Variants in SNED1 observed in about 807,000 individuals in gnomAD.
SNED1 encodes the protein sushi, nidogen and EGF like domains 1, also known as sushi, nidogen and EGF-like domain-containing protein 1.
SNED1 carries 81 observed loss-of-function variants against 166.7 expected under a neutral mutation model. The observed-to-expected ratio is 0.49, with a 90% CI of 0.41 to 0.58. The LOEUF (loss-of-function observed/expected upper bound fraction) is 0.58, where lower values mean the gene tolerates loss of function less well. Ranked by LOEUF, SNED1 falls within the 20% of genes least tolerant of loss-of-function variation. The pLI is 0.00. For missense variants in SNED1, 1,604 were observed against 2,000.2 expected, an observed-to-expected ratio of 0.80 and a Z score of 3.78; for synonymous variants, 762 against 822.0, an observed-to-expected ratio of 0.93 and a Z score of 1.25.
intron 21 of SNED1, among the ~76,000 whole-genome samples, chr2:241,066,037 G>C (rs1227043646): frequency 6.6e-6 from 1 of 152,208 alleles, no homozygotes; most frequent in Non-Finnish European, 1.5e-5. Context: ...TGTAGGCGCT[G>C]AGGTGTGCTA....
chr2:241,066,392 G>A (rs1431026893), intron 21 of SNED1, among the ~76,000 whole-genome samples: 5 of 152,324 alleles, frequency 3.3e-5, no homozygotes, highest in South Asian at 2.1e-4. Context: ...GGGCAGGGCC[G>A]GAAGAAAGCA....
chr2:241,088,536 T>G (rs1314341411), intron 31 of SNED1, 134 bp downstream of exon 31: 7 of 736,552 alleles, frequency 9.5e-6, no homozygotes, highest in Non-Finnish European at 1.7e-5. Flanking sequence ...CCTGTGCTGC[T>G]GTGTTACAGA....
At chr2:241,019,043 A>T (rs2060687986) in intron 1 of SNED1, among the ~76,000 whole-genome samples, 1 of 151,990 alleles carries the variant, frequency 6.6e-6, no homozygotes, top group African/African-American at 2.4e-5. Flanking sequence ...GGAGGATGGG[A>T]TGACCATGTT....
At chr2:241,029,125 G>C (rs2061077927) in intron 1 of SNED1, among the ~76,000 whole-genome samples, 1 of 152,216 alleles carries the variant, frequency 6.6e-6, no homozygotes, top group Admixed American at 6.5e-5. Context: ...ATTCTTCCCA[G>C]TAGCAAATAA....
In SNED1 at chr2:241,069,264, G is replaced by A. The variant is rs1575048002; in HGVS notation, c.3307+241G>A. Among the ~76,000 whole-genome samples the A allele has an allele frequency of 6.6e-6, 1 of 152,208 alleles. No individual in the cohort carries two copies. The highest frequency in any genetic ancestry group is 2.4e-5 in the African/African-American group (1 of 41,448). ...TCTAAAGGCTCCTGGTAGCTCCTCA[G>A]CATGGAGTTCCTACTGGACACCGAC... On this transcript the variant is annotated intron_variant, in intron 23 of 31. Transcript: ENST00000310397. The surrounding 1 kb of genome is among the most constrained non-coding windows in gnomAD (Gnocchi z 4.9).
Position 241,034,639 on chromosome 2 carries a change from G to A in SNED1, c.714G>A (p.Glu238=), listed in dbSNP as rs760033435. The change falls in exon 4 of 32, where the codon GAG becomes GAA. Residue 238 remains glutamate, a synonymous_variant. Coordinates refer to ENST00000310397, the MANE Select transcript of SNED1 (RefSeq NM_001080437.3). ...GCTCGCGCACAGCAGACATGGCCGA[G>A]GTGGAGACCACCACCAACGTGGGTG... ...IPGSRTADMA[E]VETTTNVGVP... 20 of 1,611,864 alleles carry A rather than the reference G, an allele frequency of 1.2e-5. No homozygotes were observed. Among genetic ancestry groups the A allele is most frequent in the Non-Finnish European group, 1.6e-5 (19 of 1,179,494 alleles).
At chr2:241,040,456 C>A in intron 8 of SNED1, 43 bp downstream of exon 8, 1 of 1,333,086 alleles carries the variant, frequency 7.5e-7, no homozygotes, top group Non-Finnish European at 1.0e-6. Context: ...CTGATGGTGG[C>A]TTTGTGCCGT....
intron 21 of SNED1, among the ~76,000 whole-genome samples, chr2:241,066,913 G>A (rs895285751): frequency 6.6e-6 from 1 of 152,220 alleles, no homozygotes; most frequent in Non-Finnish European, 1.5e-5. Context: ...CCAAGGGGCT[G>A]GAGTTCCCAA....
At position 241,049,116 on chromosome 2, in the gene SNED1, C is replaced by T. The variant is rs761318687; in HGVS notation, c.1599C>T (p.Thr533=). ...HGGSYLCVCH[T]DHNASHSLPS... ...GGAGCTACCTCTGCGTCTGCCACAC[C>T]GACCACAATGCCAGCCACTGTGAGT... Residue 533 remains threonine (T), a synonymous_variant, in exon 11 of 32, where the codon ACC becomes ACT. Transcript: ENST00000310397. 8.7e-6 allele frequency: 14 copies of T among 1,611,588 alleles called. No individual in the cohort carries two copies. The highest frequency in any genetic ancestry group is 2.7e-5 in the African/African-American group (2 of 75,034).
At chr2:241,060,939 C>A (rs552741882) in intron 16 of SNED1, among the ~76,000 whole-genome samples, 4 of 151,406 alleles carry the variant, frequency 2.6e-5, no homozygotes, top group East Asian at 2.0e-4. Context: ...CAAAAAAAAA[C>A]AACCAAAAAA....
intron 1 of SNED1, among the ~76,000 whole-genome samples, chr2:241,009,807 TTCCCCGGAGGCGTCCCATGTG>T (rs1449833026): frequency 8.0e-6 from 1 of 125,720 alleles, no homozygotes; most frequent in Non-Finnish European, 1.5e-5. Context: ...CCATGTGTGT[TTCCCCGGAGGCGTCCCATGTG>T]TGTTTCCCCG....
rs2064345375 is a variant in SNED1, at chr2:241,095,328, G to C, written c.*3692G>C. On this transcript the variant is annotated 3_prime_UTR_variant, in exon 32 of 32. Coordinates refer to ENST00000310397, the MANE Select transcript of SNED1 (RefSeq NM_001080437.3). ...CCACTGGCCAAGAGCTGACATAAAA[G>C]CCAACTTCCCCAAACAGGAAGGGCC... 6.5e-6 allele frequency: 1 copy of C among 152,944 alleles called. No homozygotes were observed. Among genetic ancestry groups the C allele is most frequent in the African/African-American group, 2.4e-5 (1 of 41,442 alleles). 9.5% of individuals were successfully genotyped at this position (152,944 alleles called of 1,614,324 possible).
intron 1 of SNED1, among the ~76,000 whole-genome samples, chr2:241,024,958 GCCAC>G (rs2060909113): frequency 6.6e-6 from 1 of 152,204 alleles, no homozygotes; most frequent in African/African-American, 2.4e-5. Flanking sequence ...ACAGGCATGA[GCCAC>G]CATGCCTGGC....
chr2:241,091,544 G>A lies in SNED1; in HGVS notation c.*2-94G>A, dbSNP rs916516666. 1 of 133,926 alleles carries A rather than the reference G, an allele frequency of 7.5e-6. No homozygotes were observed. The highest frequency in any genetic ancestry group is 3.4e-5 in the African/African-American group (1 of 29,782). The allele number at this position is 133,926 out of a possible 1,614,324, so 8.3% of individuals were successfully genotyped here. A position where few individuals can be genotyped will look rare whatever the true frequency, so the allele number is the denominator to read the frequency against. On this transcript the variant is annotated intron_variant, in intron 31 of 31. Transcript: ENST00000310397. The surrounding 1 kb of genome is among the most constrained non-coding windows in gnomAD (Gnocchi z 4.1). ...GGGTCCTCTGGGTGACAGAGGCCCT[G>A]AGGGCCACTAAGAGAAGCAGGAAGC...
chr2:241,066,695 C>T (rs897409062), intron 21 of SNED1, among the ~76,000 whole-genome samples: 16 of 152,162 alleles, frequency 1.1e-4, no homozygotes, highest in Admixed American at 3.9e-4. Context: ...CCCTGCGGGG[C>T]GGCCACGTGA....
At position 241,078,407 on chromosome 2, in the gene SNED1, G is replaced by T. The variant is rs886994350; in HGVS notation, c.3917-3270G>T. ...CAAAAAAAAAAAAAAAAGAAAGAAA[G>T]AAAAGAAAGGATAAGCAAAACATGG... On this transcript the variant is annotated intron_variant, in intron 27 of 31. Coordinates refer to ENST00000310397, the MANE Select transcript of SNED1 (RefSeq NM_001080437.3). Among the ~76,000 whole-genome samples, 26 of 149,746 alleles carry T rather than the reference G, an allele frequency of 1.7e-4. 1 individual carries two copies. Among genetic ancestry groups the T allele is most frequent in the African/African-American group, 6.4e-4 (26 of 40,394 alleles).
At chr2:241,024,738 C>A (rs2124939213) in intron 1 of SNED1, among the ~76,000 whole-genome samples, 1 of 151,328 alleles carries the variant, frequency 6.6e-6, no homozygotes, top group South Asian at 2.1e-4. Context: ...ATGGTGTGAT[C>A]TTGGCTTACT....
Position 241,075,740 on chromosome 2 carries a change from A to C in SNED1, c.3916+2376A>C, listed in dbSNP as rs1383189410. On this transcript the variant is annotated intron_variant, in intron 27 of 31. Transcript: ENST00000310397. This position sits in a 1 kb window ranked among gnomAD's most constrained non-coding sequence, Gnocchi z 4.8. ...AAGCATTAGTGGTTAACAAGTTGGG[A>C]GCCTTCTTTAAAAAATATCCTTCCC... The C allele has an allele frequency of 6.6e-6, 1 of 151,978 alleles. No individual in the cohort carries two copies. The highest frequency in any genetic ancestry group is 1.5e-5 in the Non-Finnish European group (1 of 68,012). The allele number at this position is 151,978 out of a possible 1,614,324, so 9.4% of individuals were successfully genotyped here.
In SNED1 at chr2:241,069,616, C is replaced by T. The variant is rs1009489561; in HGVS notation, c.3308-304C>T. ...GAGTCTGCACAGGGCTCCACGCAGC[C>T]AGGCTCAGGGGAACCGACTGTGCCG... On this transcript the variant is annotated intron_variant, in intron 23 of 31. Transcript: ENST00000310397. This position sits in a 1 kb window ranked among gnomAD's most constrained non-coding sequence, Gnocchi z 4.9. Among the ~76,000 whole-genome samples, 2 of 152,168 alleles carry T rather than the reference C, an allele frequency of 1.3e-5. No individual in the cohort carries two copies. The highest frequency in any genetic ancestry group is 4.8e-5 in the African/African-American group (2 of 41,442).
Sources: allele counts gnomAD v4.1 joint callset (sites outside exome capture counted in the v4.1 genomes callset), GRCh38; gene constraint gnomAD v4.1.1; non-coding constraint Gnocchi (gnomAD v3.1); transcripts MANE v1.5; gene names NCBI Gene and HGNC (gene_info 2026-07-23, HGNC 2026-07-21).